PLEKHG1: variants seen among roughly 807,000 people sequenced by gnomAD.
PLEKHG1 encodes the protein pleckstrin homology and RhoGEF domain containing G1, also known as pleckstrin homology domain-containing family G member 1.
A neutral mutation model predicts 100.8 loss-of-function variants in PLEKHG1; 44 were observed. That is an observed-to-expected ratio of 0.44 (90% CI 0.34 to 0.56). The LOEUF (loss-of-function observed/expected upper bound fraction) is 0.56. Among genes scored for constraint, PLEKHG1 ranks in the 20% least tolerant of loss-of-function variants. The probability of loss-of-function intolerance (pLI) is 0.01; values close to 1 mark genes in which losing one functional copy is unlikely to be tolerated. For synonymous variants in PLEKHG1, 640 were observed against 662.5 expected (o/e 0.97, Z 0.52); for missense variants, 1,545 against 1,720.9 (o/e 0.90, Z 1.81).
At chr6:150,709,008 A>G (rs1177942488) in intron 3 of PLEKHG1, among the ~76,000 whole-genome samples, 29 of 152,202 alleles carry the variant, frequency 1.9e-4, no homozygotes, top group Non-Finnish European at 1.0e-4. Context: ...TATTGATAAT[A>G]GTTAAGACAT....
At chr6:150,828,944 T>C (rs1776763618) in intron 14 of PLEKHG1, among the ~76,000 whole-genome samples, 2 of 152,124 alleles carry the variant, frequency 1.3e-5, no homozygotes, top group African/African-American at 2.4e-5. Context: ...TGTGTGTGTA[T>C]GTATGTGTGA....
chr6:150,769,500 C>T (rs542571957), intron 3 of PLEKHG1, among the ~76,000 whole-genome samples: 4 of 145,050 alleles, frequency 2.8e-5, no homozygotes, highest in Admixed American at 7.2e-5. Flanking sequence ...GAGAATTGCT[C>T]GAACCCAGGA....
exon 2 of PLEKHG1, chr6:150,734,002 G>A (rs748438842): frequency 1.4e-5 from 23 of 1,614,178 alleles, no homozygotes; most frequent in East Asian, 4.5e-5. Flanking sequence ...ACTCGGCCAC[G>A]AGCCCCAAGC....
At chr6:150,828,807 T>C (rs1027941549) in intron 14 of PLEKHG1, among the ~76,000 whole-genome samples, 1 of 152,196 alleles carries the variant, frequency 6.6e-6, no homozygotes, top group African/African-American at 2.4e-5. Context: ...TTTTACTTTA[T>C]AAAAAGTAGT....
At chr6:150,714,174 A>G (rs759791090) in intron 3 of PLEKHG1, among the ~76,000 whole-genome samples, 8 of 152,258 alleles carry the variant, frequency 5.3e-5, no homozygotes, top group Non-Finnish European at 1.2e-4. Context: ...TGTGCTGAGC[A>G]CAGCCAGTCC....
At chr6:150,786,108 A>G (rs1785608011) in intron 3 of PLEKHG1, among the ~76,000 whole-genome samples, 1 of 151,968 alleles carries the variant, frequency 6.6e-6, no homozygotes, top group East Asian at 1.9e-4. Flanking sequence ...ATGGGTGAGC[A>G]TTCAAGTAGA....
intron 1 of PLEKHG1, among the ~76,000 whole-genome samples, chr6:150,616,809 AC>A (rs1418154189): frequency 3.9e-5 from 6 of 152,368 alleles, no homozygotes; most frequent in African/African-American, 1.2e-4. Flanking sequence ...TTGTAAGAAC[AC>A]GTTCATCTCA....
intron 2 of PLEKHG1, among the ~76,000 whole-genome samples, chr6:150,643,316 A>C (rs752634467): frequency 6.6e-6 from 1 of 152,180 alleles, no homozygotes; most frequent in African/African-American, 2.4e-5. Context: ...CAGTCAACTT[A>C]CCATGAAATC....
chr6:150,841,138 A>G, exon 16 of PLEKHG1: 1 of 639,138 alleles, frequency 1.6e-6, no homozygotes, highest in Non-Finnish European at 2.8e-6. Context: ...TGTTTCATGT[A>G]AGTCAATCTT....
chr6:150,725,803 T>A (rs1447731641), intron 1 of PLEKHG1, among the ~76,000 whole-genome samples: 1 of 151,980 alleles, frequency 6.6e-6, no homozygotes, highest in Admixed American at 6.6e-5. Flanking sequence ...TTTCTAGTCA[T>A]ATTTTTAGGT....
chr6:150,681,515 AG>A (rs1779932311), intron 3 of PLEKHG1, among the ~76,000 whole-genome samples: 2 of 148,066 alleles, frequency 1.4e-5, no homozygotes, highest in South Asian at 2.1e-4. Flanking sequence ...AAAAAAAAAA[AG>A]AAAGGATAAT....
At chr6:150,722,982 T>C (rs1207007306) in intron 1 of PLEKHG1, among the ~76,000 whole-genome samples, 1 of 152,200 alleles carries the variant, frequency 6.6e-6, no homozygotes, top group African/African-American at 2.4e-5. Context: ...TTTTTTAGCC[T>C]TTGAAAAACT....
intron 2 of PLEKHG1, among the ~76,000 whole-genome samples, chr6:150,640,430 C>T (rs1183264624): frequency 6.6e-6 from 1 of 152,320 alleles, no homozygotes; most frequent in Non-Finnish European, 1.5e-5. Context: ...TAACAGCAAA[C>T]GTGTCCCCAT....
At chr6:150,775,752 C>G (rs1280496029) in intron 3 of PLEKHG1, among the ~76,000 whole-genome samples, 1 of 152,200 alleles carries the variant, frequency 6.6e-6, no homozygotes, top group Non-Finnish European at 1.5e-5. Context: ...ATTCGTACAA[C>G]AGCAAGGCAA....
chr6:150,841,058 G>C (rs1307546947), exon 16 of PLEKHG1: 1 of 707,702 alleles, frequency 1.4e-6, no homozygotes, highest in Non-Finnish European at 2.6e-6. Flanking sequence ...AATGGCTGAC[G>C]ATGCAGCCCG....
intron 3 of PLEKHG1, among the ~76,000 whole-genome samples, chr6:150,776,069 T>C (rs1784943728): frequency 6.6e-6 from 1 of 152,162 alleles, no homozygotes; most frequent in African/African-American, 2.4e-5. Flanking sequence ...TTCAAGGTCA[T>C]AATACAATTC....
intron 2 of PLEKHG1, among the ~76,000 whole-genome samples, chr6:150,763,400 A>C (rs1784285272): frequency 6.6e-6 from 1 of 152,160 alleles, no homozygotes. Flanking sequence ...ATGGCTGGAA[A>C]ATCAAACCCA....
At position 150,840,104 on chromosome 6, in the gene PLEKHG1, A is replaced by G. The variant is rs777974383; in HGVS notation, c.3366A>G (p.Gln1122=). 5 of 1,614,082 alleles carry G rather than the reference A, an allele frequency of 3.1e-6. No individual in the cohort carries two copies. In the East Asian group the frequency reaches 8.9e-5, roughly 29 times the overall value. The change falls in exon 16 of 16, where the codon CAA becomes CAG. Residue 1122 remains glutamine (Q), a synonymous_variant. Coordinates refer to ENST00000358517, the Ensembl canonical transcript of PLEKHG1. Reference sequence around the variant, plus strand: ...TCAATACAAAAAGTACTCCCAGGCAATTGTCCGCAGCTTGCTCTGTGCCTT... The same window carrying G: ...TCAATACAAAAAGTACTCCCAGGCAGTTGTCCGCAGCTTGCTCTGTGCCTT...
rs559378922 is a variant in PLEKHG1 at position 150,807,471 on chromosome 6, G to T, written c.913-1634G>T. 1.7e-4 allele frequency among the ~76,000 whole-genome samples: 26 copies of T among 152,196 alleles called. 1 individual carries two copies. In the South Asian group the frequency reaches 5.4e-3, roughly 32 times the overall value. On this transcript the variant is annotated intron_variant, in intron 7 of 15. Transcript: ENST00000358517. ...AGTAAAGTTTTTTGTTGTCTTGTGG[G>T]TTCCTTAATTAAACGGTGCTTGTGA...
Sources: allele counts gnomAD v4.1 joint callset (sites outside exome capture counted in the v4.1 genomes callset), GRCh38; gene constraint gnomAD v4.1.1; transcripts MANE v1.5; gene names NCBI Gene and HGNC (gene_info 2026-07-23, HGNC 2026-07-21).